The following DPYD variants were observed in gnomAD, a reference collection of about 807,000 sequenced individuals.
DPYD encodes the protein dihydropyrimidine dehydrogenase, also known as dihydropyrimidine dehydrogenase [NADP(+)].
Under a neutral mutation model 116.2 loss-of-function variants are expected in DPYD, and 109 were observed. That is an observed-to-expected ratio of 0.94 (90% CI 0.80 to 1.10). DPYD has a LOEUF of 1.10. DPYD is among the 50% of genes least tolerant of loss of function. The pLI, the probability that DPYD is intolerant of heterozygous loss-of-function variation, is 0.00. For missense variants in DPYD, 1,302 were observed against 1,254.5 expected (o/e 1.04, Z -0.57); for synonymous variants, 440 against 432.0 (o/e 1.02, Z -0.23).
intron 8 of DPYD, among the ~76,000 whole-genome samples, chr1:97,665,783 T>C (rs1365093857): frequency 1.3e-5 from 2 of 152,208 alleles, no homozygotes; most frequent in South Asian, 4.1e-4. Context: ...AGATGATGAA[T>C]ATGCTTGCAT....
intron 5 of DPYD, among the ~76,000 whole-genome samples, chr1:97,721,084 C>A (rs915556001): frequency 6.6e-6 from 1 of 151,562 alleles, no homozygotes; most frequent in Admixed American, 6.6e-5. Flanking sequence ...TTTGAAAATT[C>A]TCTAACATTA....
intron 1 of DPYD, among the ~76,000 whole-genome samples, chr1:97,911,066 GTTTA>G (rs2101706991): frequency 6.6e-6 from 1 of 151,920 alleles, no homozygotes; most frequent in East Asian, 1.9e-4. Flanking sequence ...TCACCTAATT[GTTTA>G]TTTAAAAAAT....
At chr1:97,164,470 A>G (rs760477744) in intron 20 of DPYD, among the ~76,000 whole-genome samples, 23 of 152,178 alleles carry the variant, frequency 1.5e-4, no homozygotes, top group Non-Finnish European at 3.2e-4. Flanking sequence ...CCAGATGGGA[A>G]GAGAGGAAGT....
chr1:97,112,973 T>G (rs1651709482), intron 20 of DPYD, among the ~76,000 whole-genome samples: 1 of 152,136 alleles, frequency 6.6e-6, no homozygotes, highest in African/African-American at 2.4e-5. Flanking sequence ...AGGAATGTAT[T>G]TAAAATAAAT....
At chr1:97,483,330 C>T (rs1260372727) in intron 13 of DPYD, among the ~76,000 whole-genome samples, 1 of 152,156 alleles carries the variant, frequency 6.6e-6, no homozygotes, top group Non-Finnish European at 1.5e-5. Flanking sequence ...CAGTTGCTTC[C>T]TGAGAAAGGG....
intron 10 of DPYD, among the ~76,000 whole-genome samples, chr1:97,587,824 C>CAA (rs1245977630): frequency 1.0e-4 from 6 of 57,394 alleles, no homozygotes; most frequent in East Asian, 5.3e-4. Flanking sequence ...ACTCCATCTC[C>CAA]AAAAAAAAAA....
intron 14 of DPYD, among the ~76,000 whole-genome samples, chr1:97,382,829 A>C (rs971562798): frequency 6.6e-6 from 1 of 152,188 alleles, no homozygotes; most frequent in Non-Finnish European, 1.5e-5. Context: ...TAATTATACA[A>C]TGCCATTAAA....
At chr1:97,812,488 A>C (rs989131673) in intron 3 of DPYD, among the ~76,000 whole-genome samples, 1 of 152,136 alleles carries the variant, frequency 6.6e-6, no homozygotes, top group Non-Finnish European at 1.5e-5. Context: ...TCAAACACTA[A>C]GGACTTTTTT....
chr1:97,317,579 T>A (rs1226503235), intron 16 of DPYD, among the ~76,000 whole-genome samples: 1 of 152,068 alleles, frequency 6.6e-6, no homozygotes. Flanking sequence ...ATTTTATACA[T>A]CTGCTGGTCT....
chr1:97,341,098 C>T (rs950637007), intron 16 of DPYD, among the ~76,000 whole-genome samples: 11 of 152,134 alleles, frequency 7.2e-5, no homozygotes, highest in African/African-American at 2.7e-4. Context: ...AGGTCCTTGT[C>T]TCTGGTCTTC....
chr1:97,398,712 T>C (rs2101627473), intron 14 of DPYD, among the ~76,000 whole-genome samples: 1 of 152,372 alleles, frequency 6.6e-6, no homozygotes, highest in South Asian at 2.1e-4. Context: ...ATGAGCATTT[T>C]TTCATTTGTC....
At chr1:97,905,678 C>T (rs567364057) in intron 1 of DPYD, among the ~76,000 whole-genome samples, 1 of 151,966 alleles carries the variant, frequency 6.6e-6, no homozygotes. Context: ...GGATTAGACG[C>T]CATTCATACC....
At position 97,324,696 on chromosome 1, in the gene DPYD, T is replaced by C. The variant is rs755893119; in HGVS notation, c.2059-18399A>G. ...CCTTTAGAATTACAATACATCTCTA[T>C]TCCTCTATAAATCATTTAGCATTTT... is the stretch of plus-strand genomic sequence containing the variant. On this transcript the variant is annotated intron_variant, in intron 16 of 22. Transcript: ENST00000370192. 3.3e-5 allele frequency among the ~76,000 whole-genome samples: 5 copies of C among 152,066 alleles called. 1 individual carries two copies. The highest frequency in any genetic ancestry group is 1.2e-4 in the African/African-American group (5 of 41,436).
At chr1:97,768,749 A>G (rs752080119) in intron 3 of DPYD, among the ~76,000 whole-genome samples, 20 of 152,156 alleles carry the variant, frequency 1.3e-4, no homozygotes, top group Non-Finnish European at 2.8e-4. Flanking sequence ...TTATTTCAAA[A>G]TGCATCTTTT....
chr1:97,285,291 G>A (rs1342557227), intron 18 of DPYD, among the ~76,000 whole-genome samples: 5 of 152,168 alleles, frequency 3.3e-5, no homozygotes, highest in African/African-American at 4.8e-5. Flanking sequence ...TCGCAGAAAC[G>A]AAGAGAAATG....
At chr1:97,102,398 T>TATATATATAC (rs1553213335) in intron 20 of DPYD, among the ~76,000 whole-genome samples, 14 of 136,336 alleles carry the variant, frequency 1.0e-4, no homozygotes, top group African/African-American at 3.5e-4. Context: ...CTCAGTATCA[T>TATATATATAC]ATATATATAT....
chr1:97,138,462 G>C (rs1209944432), intron 20 of DPYD, among the ~76,000 whole-genome samples: 1 of 152,126 alleles, frequency 6.6e-6, no homozygotes, highest in African/African-American at 2.4e-5. Context: ...AAGCAGTAGG[G>C]GGCATGGTGA....
At chr1:97,259,614 G>T (rs889616560) in intron 18 of DPYD, among the ~76,000 whole-genome samples, 7 of 152,078 alleles carry the variant, frequency 4.6e-5, no homozygotes, top group African/African-American at 1.7e-4. Flanking sequence ...ATAATGGGAG[G>T]CAAAGTCAGT....
chr1:97,760,816 T>C (rs1293863036), intron 3 of DPYD, among the ~76,000 whole-genome samples: 1 of 152,140 alleles, frequency 6.6e-6, no homozygotes, highest in East Asian at 1.9e-4. Flanking sequence ...TCAACTCTGC[T>C]AGTGTAATTG....
Sources: gnomAD v4.1 joint callset for allele counts (sites outside exome capture counted in the v4.1 genomes callset) on GRCh38, gnomAD v4.1.1 for gene constraint, MANE v1.5 for transcripts, NCBI Gene and HGNC (gene_info 2026-07-23, HGNC 2026-07-21) for gene names.